Variants in LRRC28 observed in about 807,000 individuals in gnomAD.
The protein encoded by LRRC28 is leucine rich repeat containing 28, also known as leucine-rich repeat-containing protein 28.
Under a neutral mutation model 45.7 loss-of-function variants are expected in LRRC28, and 39 were observed. That is an observed-to-expected ratio of 0.85 (90% CI 0.66 to 1.12). The LOEUF is 1.12. LRRC28 is among the 50% of genes most tolerant of loss of function. LRRC28 has a pLI of 0.00. For missense variants in LRRC28, 435 were observed against 438.5 expected, an observed-to-expected ratio of 0.99 and a Z score of 0.07; for synonymous variants, 206 against 178.8, an observed-to-expected ratio of 1.15 and a Z score of -1.22.
intron 9 of LRRC28, among the ~76,000 whole-genome samples, chr15:99,366,676 C>T (rs1229860169): frequency 6.6e-6 from 1 of 152,046 alleles, no homozygotes; most frequent in Admixed American, 6.6e-5. Context: ...CACCTCATGA[C>T]CTCATTTAAA....
intron 2 of LRRC28, chr15:99,259,475 T>A (rs1213731040): frequency 6.0e-6 from 7 of 1,164,458 alleles, no homozygotes; most frequent in Non-Finnish European, 9.1e-6. Context: ...TCTGCCCAAT[T>A]GGGTGAAAGA....
chr15:99,344,403 C>G (rs1034763892), intron 6 of LRRC28, among the ~76,000 whole-genome samples: 3 of 151,990 alleles, frequency 2.0e-5, no homozygotes, highest in African/African-American at 7.3e-5. Flanking sequence ...CACTCTATAT[C>G]AGATTGTGTA....
chr15:99,343,845 A>G (rs936000336), intron 6 of LRRC28, among the ~76,000 whole-genome samples: 14 of 152,190 alleles, frequency 9.2e-5, no homozygotes, highest in African/African-American at 3.1e-4. Context: ...AAGCCTTTTC[A>G]TGAAGTACAC....
chr15:99,328,152 G>C (rs1202876408), intron 5 of LRRC28, among the ~76,000 whole-genome samples: 2 of 152,168 alleles, frequency 1.3e-5, no homozygotes, highest in East Asian at 3.8e-4. Context: ...TATACCATGT[G>C]CACTTGAAAA....
chr15:99,283,887 G>A (rs2081882737), intron 3 of LRRC28, among the ~76,000 whole-genome samples: 1 of 152,102 alleles, frequency 6.6e-6, no homozygotes, highest in Non-Finnish European at 1.5e-5. Flanking sequence ...TAAGTAAAAG[G>A]AAGTGACTTA....
rs550841189 is a variant in LRRC28, at chr15:99,389,996, C to T, written c.*3894C>T. On this transcript the variant is annotated 3_prime_UTR_variant, in exon 10 of 10. Coordinates refer to ENST00000301981, the MANE Select transcript of LRRC28 (RefSeq NM_144598.5). ...AGCCAGGCGTGGTGGCGCGCACCTG[C>T]AGTCCCAGCTACTCGGGAGGCTGAG... 36 of 152,518 alleles carry T rather than the reference C, an allele frequency of 2.4e-4. 1 individual carries two copies. In the East Asian group the frequency reaches 6.8e-3, roughly 29 times the overall value. 9.4% of individuals were successfully genotyped at this position (152,518 alleles called of 1,614,324 possible).
At chr15:99,311,140 A>G (rs1015013796) in intron 5 of LRRC28, among the ~76,000 whole-genome samples, 5 of 152,106 alleles carry the variant, frequency 3.3e-5, no homozygotes, top group Non-Finnish European at 7.4e-5. Context: ...TATTTCAGCT[A>G]AAGGGGACTG....
chr15:99,303,197 G>A (rs1461088153), intron 5 of LRRC28, among the ~76,000 whole-genome samples: 1 of 152,124 alleles, frequency 6.6e-6, no homozygotes, highest in Non-Finnish European at 1.5e-5. Flanking sequence ...GCTGTATAGT[G>A]GCATCTCATT....
At chr15:99,364,032 C>T (rs145445652) in intron 9 of LRRC28, among the ~76,000 whole-genome samples, 1 of 152,296 alleles carries the variant, frequency 6.6e-6, no homozygotes, top group East Asian at 1.9e-4. Context: ...AAGCCATTAC[C>T]CCTCTTTCCA....
chr15:99,326,078 C>A (rs755770070), intron 5 of LRRC28, among the ~76,000 whole-genome samples: 44 of 152,006 alleles, frequency 2.9e-4, no homozygotes, highest in Admixed American at 5.9e-4. Flanking sequence ...TGGAGTGTGG[C>A]CTCTTATGGG....
intron 5 of LRRC28, among the ~76,000 whole-genome samples, chr15:99,291,854 T>TAGC (rs1370931706): frequency 6.6e-6 from 1 of 152,254 alleles, no homozygotes; most frequent in Non-Finnish European, 1.5e-5. Context: ...TCTGTTTGTT[T>TAGC]AGCCATCATA....
intron 5 of LRRC28, among the ~76,000 whole-genome samples, chr15:99,304,420 A>G (rs764094764): frequency 2.6e-5 from 4 of 151,124 alleles, no homozygotes; most frequent in Non-Finnish European, 5.9e-5. Flanking sequence ...TCATTTATAT[A>G]TATTCCTTTT....
chr15:99,348,001 G>A (rs2152311727), intron 6 of LRRC28, among the ~76,000 whole-genome samples: 1 of 152,178 alleles, frequency 6.6e-6, no homozygotes, highest in East Asian at 1.9e-4. Context: ...ATCTCATAGT[G>A]GTTTTAATTT....
rs768732063 is a variant in LRRC28, at chr15:99,389,763, C to T, written c.*3661C>T. 6.6e-6 allele frequency: 1 copy of T among 152,130 alleles called. No individual in the cohort carries two copies. The highest frequency in any genetic ancestry group is 1.5e-5 in the Non-Finnish European group (1 of 68,026). 9.4% of individuals were successfully genotyped at this position (152,130 alleles called of 1,614,324 possible). On this transcript the variant is annotated 3_prime_UTR_variant, in exon 10 of 10. Transcript: ENST00000301981. ...CCCAGAAACTCAGTGAATATCTTGCCTTTTCTTCAAACAAAGGGGGTTTTT... is the reference window on the plus strand; with the variant it reads ...CCCAGAAACTCAGTGAATATCTTGCTTTTTCTTCAAACAAAGGGGGTTTTT...
intron 5 of LRRC28, among the ~76,000 whole-genome samples, chr15:99,324,496 C>T (rs1291187588): frequency 6.6e-6 from 1 of 152,046 alleles, no homozygotes; most frequent in Non-Finnish European, 1.5e-5. Context: ...TCTGTGGTCA[C>T]TAGCTTGGTG....
At chr15:99,271,821 A>G (rs546890159) in intron 2 of LRRC28, among the ~76,000 whole-genome samples, 1 of 152,156 alleles carries the variant, frequency 6.6e-6, no homozygotes, top group South Asian at 2.1e-4. Flanking sequence ...CTGGTCTCGA[A>G]CTCTTGACTT....
At chr15:99,366,173 G>C (rs1957335161) in intron 9 of LRRC28, among the ~76,000 whole-genome samples, 1 of 152,138 alleles carries the variant, frequency 6.6e-6, no homozygotes, top group South Asian at 2.1e-4. Flanking sequence ...AGTTTTGGAG[G>C]CTGGAAGTCC....
chr15:99,252,226 C>T (rs1056502320), intron 1 of LRRC28, among the ~76,000 whole-genome samples: 2 of 152,152 alleles, frequency 1.3e-5, no homozygotes, highest in Admixed American at 1.3e-4. Context: ...AAGATGTAGT[C>T]AAGTGAAATG....
At chr15:99,256,797 T>G (rs2081035422) in intron 2 of LRRC28, among the ~76,000 whole-genome samples, 2 of 152,218 alleles carry the variant, frequency 1.3e-5, no homozygotes, top group Non-Finnish European at 1.5e-5. Context: ...AAACTAAAAG[T>G]TTTTCAAGAG....
Sources: gnomAD v4.1 joint callset for allele counts (sites outside exome capture counted in the v4.1 genomes callset) on GRCh38, gnomAD v4.1.1 for gene constraint, MANE v1.5 for transcripts, NCBI Gene and HGNC (gene_info 2026-07-23, HGNC 2026-07-21) for gene names.